Variants in KNG1 observed in about 807,000 individuals in gnomAD.
KNG1 encodes the protein kininogen-1.
In KNG1, 23 loss-of-function variants were observed where a neutral mutation model predicts 47.8. That is an observed-to-expected ratio of 0.48 (90% CI 0.35 to 0.68). KNG1 has a LOEUF of 0.68. KNG1 is among the 30% of genes least tolerant of loss of function. The pLI is 0.01. For missense variants in KNG1, 762 were observed against 790.2 expected (o/e 0.96, Z 0.43); for synonymous variants, 277 against 277.0 (o/e 1.00, Z 0.00).
In KNG1 at chr3:186,742,498, C is replaced by A. The variant is rs978274236; in HGVS notation, c.*167C>A. On this transcript the variant is annotated 3_prime_UTR_variant, in exon 10 of 10. Transcript: ENST00000644859. ...CCAGTGGAGACACCATCAGTCTCCA[C>A]GGACTGCATAAAATTGTGTGCCACA... 109 of 1,446,234 alleles carry A rather than the reference C, an allele frequency of 7.5e-5. 1 individual carries two copies. In the South Asian group the frequency reaches 1.4e-3, roughly 18 times the overall value. 89.6% of individuals were successfully genotyped at this position (1,446,234 alleles called of 1,614,324 possible).
chr3:186,742,504 G>A lies in KNG1; in HGVS notation c.*173G>A. 1 of 1,435,520 alleles carries A rather than the reference G, an allele frequency of 7.0e-7. No homozygotes were observed. 88.9% of individuals were successfully genotyped at this position (1,435,520 alleles called of 1,614,324 possible). A position where few individuals can be genotyped will look rare whatever the true frequency, so the allele number is the denominator to read the frequency against. ...GAGACACCATCAGTCTCCACGGACTGCATAAAATTGTGTGCCACAATTCTA... is the reference window on the plus strand; with the variant it reads ...GAGACACCATCAGTCTCCACGGACTACATAAAATTGTGTGCCACAATTCTA... On this transcript the variant is annotated 3_prime_UTR_variant, in exon 10 of 10. Coordinates refer to ENST00000644859, the MANE Select transcript of KNG1 (RefSeq NM_001102416.3).
At position 186,740,037 on chromosome 3, in the gene KNG1, G is replaced by A. The variant is rs1407431503; in HGVS notation, c.1125+623G>A. Among the ~76,000 whole-genome samples, 4 of 149,798 alleles carry A rather than the reference G, an allele frequency of 2.7e-5. No homozygotes were observed. In the East Asian group the frequency reaches 7.8e-4, roughly 29 times the overall value. ...CACTCCAGCCTGGGCAACAAAGAGC[G>A]AAACTTTGTCTCAAAAAAAAAAAAA... is the stretch of plus-strand genomic sequence containing the variant. On this transcript the variant is annotated intron_variant, in intron 9 of 9. Coordinates refer to ENST00000644859, the MANE Select transcript of KNG1 (RefSeq NM_001102416.3).
rs768948940 is a variant in KNG1, at chr3:186,739,390, T to C, written c.1101T>C (p.Thr367=). The C allele has an allele frequency of 3.1e-6, 5 of 1,610,380 alleles. No homozygotes were observed. Among genetic ancestry groups the C allele is most frequent in the Non-Finnish European group, 2.5e-6 (3 of 1,176,538 alleles). The change falls in exon 9 of 10, where the codon ACT becomes ACC. Residue 367 remains threonine, a synonymous_variant. Transcript: ENST00000644859. ...CCTGGGAGAAAAAAATTTACCCTAC[T>C]GTCAACTGTCAACCACTGGGAATGG... The part of the protein sequence containing the change: ...VVPWEKKIYP[T]VNCQPLGMIS...
At chr3:186,725,679 G>A (rs2108624038) in intron 4 of KNG1, among the ~76,000 whole-genome samples, 1 of 149,966 alleles carries the variant, frequency 6.7e-6, no homozygotes, top group South Asian at 2.1e-4. Context: ...TGAGTAGCTG[G>A]GACTACAGGC....
chr3:186,731,520 C>T, intron 5 of KNG1, 25 bp from the exon 6 acceptor site: 1 of 1,423,158 alleles, frequency 7.0e-7, no homozygotes, highest in African/African-American at 1.4e-5. Context: ...TTTAACTGAG[C>T]ACTTATATGC....
At position 186,744,035 on chromosome 3, in the gene KNG1, T is replaced by C. The variant is rs1347582683; in HGVS notation, c.*1704T>C. ...GAGAGTCAGTGCTGTGGCTCTGCCA[T>C]GGAGGCTCATAACCCAACACTGGAA... On this transcript the variant is annotated 3_prime_UTR_variant, in exon 10 of 10. Transcript: ENST00000644859. The C allele has an allele frequency of 7.4e-6, 4 of 537,352 alleles. No individual in the cohort carries two copies. Among genetic ancestry groups the C allele is most frequent in the African/African-American group, 3.8e-5 (2 of 52,674 alleles). 33.3% of individuals were successfully genotyped at this position (537,352 alleles called of 1,614,324 possible).
intron 7 of KNG1, 83 bp downstream of exon 7, chr3:186,732,757 G>A: frequency 9.1e-7 from 1 of 1,095,734 alleles, no homozygotes; most frequent in Non-Finnish European, 1.4e-6. Flanking sequence ...TCTTGGCTCT[G>A]GATTGGGAAA....
At chr3:186,724,754 C>T (rs1254035202) in intron 3 of KNG1, among the ~76,000 whole-genome samples, 3 of 151,434 alleles carry the variant, frequency 2.0e-5, no homozygotes, top group South Asian at 4.2e-4. Context: ...GGAGTGCAGT[C>T]GCATGATCTC....
Position 186,743,941 on chromosome 3 carries a change from T to G in KNG1, c.*1610T>G, listed in dbSNP as rs1202429477. 2 of 695,110 alleles carry G rather than the reference T, an allele frequency of 2.9e-6. No individual in the cohort carries two copies. Among genetic ancestry groups the G allele is most frequent in the Non-Finnish European group, 5.2e-6 (2 of 381,254 alleles). The allele number at this position is 695,110 out of a possible 1,614,324, so 43.1% of individuals were successfully genotyped here. On this transcript the variant is annotated 3_prime_UTR_variant, in exon 10 of 10. Coordinates refer to ENST00000644859, the MANE Select transcript of KNG1 (RefSeq NM_001102416.3). The stretch of plus-strand genomic sequence containing the variant: ...TGGGTGAAATAAAGATCAGTCTTGA[T>G]GTTCTAACTCTAATTCACAGTGGTC...
intron 4 of KNG1, 140 bp from the exon 5 acceptor site, chr3:186,727,097 G>A: frequency 1.5e-6 from 1 of 649,324 alleles, no homozygotes; most frequent in Non-Finnish European, 2.8e-6. Flanking sequence ...GCATTTTTTT[G>A]CCTAGTAATA....
intron 5 of KNG1, chr3:186,729,062 A>G (rs2108626912): frequency 6.6e-6 from 1 of 152,358 alleles, no homozygotes; most frequent in Admixed American, 6.5e-5. Flanking sequence ...GGACACTATC[A>G]AGAGAGTAAA....
chr3:186,741,635 A>G lies in KNG1; in HGVS notation c.1239A>G (p.Gln413=). The G allele has an allele frequency of 6.2e-7, 1 of 1,614,130 alleles. No individual in the cohort carries two copies. The highest frequency in any genetic ancestry group is 8.5e-7 in the Non-Finnish European group (1 of 1,180,008). ...SPPHTSMAPA[Q]DEERDSGKEQ... The stretch of plus-strand genomic sequence containing the variant: ...CCCACACTTCCATGGCACCTGCACA[A>G]GATGAAGAGCGGGATTCAGGAAAAG... Residue 413 remains glutamine, a synonymous_variant, in exon 10 of 10, where the codon CAA becomes CAG. Coordinates refer to ENST00000644859, the MANE Select transcript of KNG1 (RefSeq NM_001102416.3).
Position 186,717,649 on chromosome 3 carries a change from C to T in KNG1, c.107C>T (p.Ala36Val), listed in dbSNP as rs776628091. 4.3e-6 allele frequency: 7 copies of T among 1,613,012 alleles called. No homozygotes were observed. In the East Asian group the frequency reaches 6.7e-5, roughly 15 times the overall value. ...TGCAATGACAAGGATTTATTTAAAG[C>T]TGTGGATGCTGCTCTGAAGAAATAT... The part of the protein sequence containing the change: ...IDCNDKDLFK[A>V]VDAALKKYNS... The change falls in exon 1 of 10, where the codon GCT (alanine) becomes GTT (valine). Residue 36 changes from alanine (A) to valine (V), a missense_variant. Coordinates refer to ENST00000644859, the MANE Select transcript of KNG1 (RefSeq NM_001102416.3).
chr3:186,742,566 T>G lies in KNG1; in HGVS notation c.*235T>G. On this transcript the variant is annotated 3_prime_UTR_variant, in exon 10 of 10. Coordinates refer to ENST00000644859, the MANE Select transcript of KNG1 (RefSeq NM_001102416.3). ...AATCTTCTTCCCAAGTTTTCTAAAC[T>G]AGCACAGTAAACAGACAAACTAATG... 9 of 1,366,582 alleles carry G rather than the reference T, an allele frequency of 6.6e-6. No individual in the cohort carries two copies. Among genetic ancestry groups the G allele is most frequent in the Non-Finnish European group, 7.5e-6 (8 of 1,060,488 alleles). 84.7% of individuals were successfully genotyped at this position (1,366,582 alleles called of 1,614,324 possible). A position where few individuals can be genotyped will look rare whatever the true frequency, so the allele number is the denominator to read the frequency against.
intron 7 of KNG1, among the ~76,000 whole-genome samples, chr3:186,732,990 G>A (rs1212663850): frequency 1.3e-5 from 2 of 152,160 alleles, no homozygotes; most frequent in East Asian, 3.9e-4. Context: ...GCTCACACCT[G>A]CAATACCAGC....
At chr3:186,723,141 CATA>C (rs1720252929) in intron 3 of KNG1, among the ~76,000 whole-genome samples, 1 of 151,960 alleles carries the variant, frequency 6.6e-6, no homozygotes, top group Non-Finnish European at 1.5e-5. Context: ...TTTACTGATA[CATA>C]ATATTTTACA....
At chr3:186,732,072 T>C (rs1303467277) in intron 6 of KNG1, among the ~76,000 whole-genome samples, 1 of 152,210 alleles carries the variant, frequency 6.6e-6, no homozygotes, top group Non-Finnish European at 1.5e-5. Flanking sequence ...GGTCAGTGTT[T>C]CTTATAACAA....
rs532970969 is a variant in KNG1 at position 186,744,131 on chromosome 3, G to T, written c.*1800G>T. 1.5e-5 allele frequency: 5 copies of T among 343,400 alleles called. No individual in the cohort carries two copies. The South Asian group carries it at 1.6e-4, about 11-fold the overall frequency. 21.3% of individuals were successfully genotyped at this position (343,400 alleles called of 1,614,324 possible). On this transcript the variant is annotated 3_prime_UTR_variant, in exon 10 of 10. Coordinates refer to ENST00000644859, the MANE Select transcript of KNG1 (RefSeq NM_001102416.3). ...ACCACGGGTGCTAAAAGAAGAGTTA[G>T]TAGGTCATGCTTCTACCAGTAATCT...
At chr3:186,736,760 A>T (rs1266438256) in intron 7 of KNG1, 1 of 152,218 alleles carries the variant, frequency 6.6e-6, no homozygotes, top group Non-Finnish European at 1.5e-5. Context: ...GGTATAAGAC[A>T]CCAGTTGAGG....
Sources: allele counts gnomAD v4.1 joint callset (sites outside exome capture counted in the v4.1 genomes callset), GRCh38; gene constraint gnomAD v4.1.1; transcripts MANE v1.5; gene names NCBI Gene and HGNC (gene_info 2026-07-23, HGNC 2026-07-21).